The following EFHB variants were observed in gnomAD, a reference collection of about 807,000 sequenced individuals.
EFHB encodes the protein EF-hand domain family member B.
EFHB carries 91 observed loss-of-function variants against 87.2 expected under a neutral mutation model. The ratio of observed to expected loss-of-function variants is 1.04; its 90% CI spans 0.88 to 1.24. The LOEUF (loss-of-function observed/expected upper bound fraction) is 1.24. Ranked by LOEUF, EFHB falls within the 50% of genes most tolerant of loss-of-function variation. The probability of loss-of-function intolerance (pLI) is 0.00; values close to 1 mark genes in which losing one functional copy is unlikely to be tolerated. For missense variants in EFHB, 1,084 were observed against 998.8 expected, an observed-to-expected ratio of 1.09 and a Z score of -1.15; for synonymous variants, 325 against 333.6, an observed-to-expected ratio of 0.97 and a Z score of 0.28.
In EFHB at chr3:19,919,839, T is replaced by C. The variant is rs2929362; in HGVS notation, c.990A>G (p.Ser330=). ...AAAAAAGAAAATAACTTACCAGTAC[T>C]GAAATTTTAGATCTAATTCCATGTG... is the stretch of plus-strand genomic sequence containing the variant. ...YLTHGIRSKI[S]VLANTLINPQ... is the part of the protein sequence containing the mutation. Residue 330 remains serine, a synonymous_variant, in exon 3 of 13, where the codon TCA becomes TCG. Transcript: ENST00000295824. 0.15 allele frequency: 239,068 copies of C among 1,611,378 alleles called. 19,823 individuals carry two copies. The highest frequency in any genetic ancestry group is 0.28 in the African/African-American group (21,019 of 74,850).
chr3:19,930,998 A>C (rs1695811146), intron 1 of EFHB, among the ~76,000 whole-genome samples: 1 of 152,092 alleles, frequency 6.6e-6, no homozygotes, highest in South Asian at 2.1e-4. Flanking sequence ...ATTTAGAAAA[A>C]AAAGAAGGAA....
intron 1 of EFHB, among the ~76,000 whole-genome samples, chr3:19,925,158 C>T (rs1036416690): frequency 2.0e-5 from 3 of 149,738 alleles, no homozygotes; most frequent in African/African-American, 7.4e-5. Context: ...AGGAGAATGG[C>T]GTGAACCAGG....
intron 6 of EFHB, among the ~76,000 whole-genome samples, chr3:19,904,522 A>G (rs1694774617): frequency 6.6e-6 from 1 of 152,104 alleles, no homozygotes. Context: ...CCTTCTTCCA[A>G]AGTCTGATGG....
chr3:19,903,894 T>C (rs894197677), intron 6 of EFHB, among the ~76,000 whole-genome samples: 3 of 152,170 alleles, frequency 2.0e-5, no homozygotes, highest in Non-Finnish European at 4.4e-5. Context: ...AGGCAAATGA[T>C]TTAACCCCTC....
intron 12 of EFHB, among the ~76,000 whole-genome samples, chr3:19,880,525 T>C (rs2071649202): frequency 6.6e-6 from 1 of 152,182 alleles, no homozygotes; most frequent in Admixed American, 6.5e-5. Flanking sequence ...GTGCTGGGAT[T>C]ACAGGCATGA....
At chr3:19,920,312 G>A (rs1187377537) in intron 2 of EFHB, among the ~76,000 whole-genome samples, 193 bp downstream of exon 2, 1 of 152,134 alleles carries the variant, frequency 6.6e-6, no homozygotes, top group African/African-American at 2.4e-5. Context: ...AATCCCTGTA[G>A]AGCTAGAAAT....
chr3:19,887,755 G>C (rs1212950599), intron 10 of EFHB, among the ~76,000 whole-genome samples: 2 of 152,198 alleles, frequency 1.3e-5, no homozygotes, highest in East Asian at 1.9e-4. Context: ...GGACAAGCTT[G>C]ATGTAAACAT....
At chr3:19,896,940 G>GA in intron 8 of EFHB, 99 bp from the exon 9 acceptor site, 1 of 1,054,058 alleles carries the variant, frequency 9.5e-7, no homozygotes, top group Non-Finnish European at 1.3e-6. Context: ...CTCTGTGAAT[G>GA]AAAGAAACAT....
chr3:19,911,766 G>A (rs1695071285), intron 5 of EFHB, among the ~76,000 whole-genome samples: 1 of 151,730 alleles, frequency 6.6e-6, no homozygotes, highest in Admixed American at 6.6e-5. Flanking sequence ...TTTAAAGAAT[G>A]AAGTACAACT....
intron 1 of EFHB, among the ~76,000 whole-genome samples, chr3:19,929,278 G>A (rs187838243): frequency 6.6e-5 from 10 of 151,386 alleles, no homozygotes; most frequent in African/African-American, 2.2e-4. Context: ...GGCTCAAGCA[G>A]TCCTCCCACT....
At chr3:19,919,485 G>A (rs1013540695) in intron 3 of EFHB, among the ~76,000 whole-genome samples, 4 of 152,060 alleles carry the variant, frequency 2.6e-5, no homozygotes, top group Non-Finnish European at 4.4e-5. Context: ...GGGATTACAG[G>A]CATGAGCCAC....
intron 1 of EFHB, chr3:19,945,926 A>C (rs929787245): frequency 6.6e-6 from 1 of 152,202 alleles, no homozygotes; most frequent in African/African-American, 2.4e-5. Context: ...GTAAACTGCA[A>C]ACTGAAAAGT....
chr3:19,928,361 A>G (rs920984348), intron 1 of EFHB, among the ~76,000 whole-genome samples: 9 of 152,240 alleles, frequency 5.9e-5, no homozygotes, highest in Non-Finnish European at 1.3e-4. Context: ...AGTGTTCTTA[A>G]CTTTAAATAT....
Position 19,908,598 on chromosome 3 carries a change from G to GAGAAAGAAAGAA in EFHB, c.1289-2861_1289-2850dup, listed in dbSNP as rs767343345. On this transcript the variant is annotated intron_variant, in intron 5 of 12. Coordinates refer to ENST00000295824, the MANE Select transcript of EFHB (RefSeq NM_144715.4). ...AGAGAGAGAGAGAGAGAGAGAGAGA[G>GAGAAAGAAAGAA]AGAAAGAAAGAAAGAAAGAAAGAAA... Among the ~76,000 whole-genome samples, 390 of 77,846 alleles carry GAGAAAGAAAGAA rather than the reference G, an allele frequency of 5.0e-3. 6 individuals are homozygous for GAGAAAGAAAGAA. The highest frequency in any genetic ancestry group is 0.014 in the Middle Eastern group (2 of 142). 51.1% of individuals were successfully genotyped at this position (77,846 alleles called of 152,430 possible). A position where few individuals can be genotyped will look rare whatever the true frequency, so the allele number is the denominator to read the frequency against.
chr3:19,883,824 C>G (rs1487466334), intron 11 of EFHB, among the ~76,000 whole-genome samples: 1 of 152,166 alleles, frequency 6.6e-6, no homozygotes, highest in East Asian at 1.9e-4. Flanking sequence ...GTGCCAAAGA[C>G]TGCCAGCAAA....
At chr3:19,880,138 AAAG>A (rs2071636974) in intron 12 of EFHB, among the ~76,000 whole-genome samples, 1 of 152,184 alleles carries the variant, frequency 6.6e-6, no homozygotes, top group Non-Finnish European at 1.5e-5. Context: ...TGAAAAAAAT[AAAG>A]AAGACTTGCT....
chr3:19,931,970 CA>C (rs1249205998), intron 1 of EFHB, among the ~76,000 whole-genome samples: 4 of 152,236 alleles, frequency 2.6e-5, no homozygotes, highest in African/African-American at 9.6e-5. Context: ...CTCATATTAC[CA>C]AGTGTTTCCC....
intron 12 of EFHB, among the ~76,000 whole-genome samples, chr3:19,882,063 T>TAAA (rs2071692866): frequency 9.8e-6 from 1 of 102,424 alleles, no homozygotes; most frequent in African/African-American, 5.1e-5. Context: ...AAATAAATAA[T>TAAA]TAAATAAGAC....
intron 9 of EFHB, among the ~76,000 whole-genome samples, chr3:19,889,923 G>T (rs1330697911): frequency 6.6e-6 from 1 of 152,136 alleles, no homozygotes; most frequent in Non-Finnish European, 1.5e-5. Flanking sequence ...GGAGGCCGAG[G>T]TTGCAGTGAG....
Sources: gnomAD v4.1 joint callset for allele counts (sites outside exome capture counted in the v4.1 genomes callset) on GRCh38, gnomAD v4.1.1 for gene constraint, MANE v1.5 for transcripts, NCBI Gene and HGNC (gene_info 2026-07-23, HGNC 2026-07-21) for gene names.